The following MAGI1 variants were observed in gnomAD, a reference collection of about 807,000 sequenced individuals.
The protein encoded by MAGI1 is membrane-associated guanylate kinase, WW and PDZ domain-containing protein 1.
In MAGI1, 58 loss-of-function variants were observed where a neutral mutation model predicts 139.9. The ratio of observed to expected loss-of-function variants is 0.41; its 90% CI spans 0.34 to 0.52. The LOEUF is 0.52. Among genes scored for constraint, MAGI1 ranks in the 20% least tolerant of loss-of-function variants. The pLI is 0.12. For synonymous variants in MAGI1, 812 were observed against 737.9 expected, an observed-to-expected ratio of 1.10 and a Z score of -1.63; for missense variants, 1,874 against 1,901.6, an observed-to-expected ratio of 0.99 and a Z score of 0.27.
At chr3:65,913,539 G>A (rs924799238) in intron 1 of MAGI1, among the ~76,000 whole-genome samples, 2 of 152,138 alleles carry the variant, frequency 1.3e-5, no homozygotes, top group Non-Finnish European at 2.9e-5. Flanking sequence ...TGTTCAGAAA[G>A]GAGAGATTCC....
intron 1 of MAGI1, among the ~76,000 whole-genome samples, chr3:65,809,578 T>C (rs2041088111): frequency 6.6e-6 from 1 of 152,130 alleles, no homozygotes; most frequent in Admixed American, 6.6e-5. Context: ...GCAGAAATCC[T>C]GAACAATCAA....
chr3:65,526,439 C>A (rs565020780), intron 2 of MAGI1, among the ~76,000 whole-genome samples: 2 of 152,194 alleles, frequency 1.3e-5, no homozygotes, highest in Non-Finnish European at 2.9e-5. Flanking sequence ...GTATGTTATG[C>A]AGCAATTATG....
At chr3:66,028,414 C>G (rs928284151) in intron 1 of MAGI1, among the ~76,000 whole-genome samples, 1 of 152,190 alleles carries the variant, frequency 6.6e-6, no homozygotes, top group Admixed American at 6.5e-5. Flanking sequence ...ACTGGGAGAA[C>G]TGATGTTCTG....
chr3:65,477,857 T>C (rs1437095466), intron 4 of MAGI1, among the ~76,000 whole-genome samples: 5 of 151,708 alleles, frequency 3.3e-5, no homozygotes, highest in Non-Finnish European at 7.4e-5. Flanking sequence ...CCTGGAGTTG[T>C]GCAGTACTCA....
intron 1 of MAGI1, among the ~76,000 whole-genome samples, chr3:65,713,025 G>A (rs143285946): frequency 4.6e-4 from 70 of 152,260 alleles, no homozygotes; most frequent in African/African-American, 1.5e-3. Context: ...GAATCTTACT[G>A]TTCAGTTTTG....
At chr3:65,871,192 C>A (rs192166641) in intron 1 of MAGI1, among the ~76,000 whole-genome samples, 1 of 152,180 alleles carries the variant, frequency 6.6e-6, no homozygotes, top group East Asian at 1.9e-4. Context: ...CCTCCTCCAC[C>A]TCCCAAAGTG....
intron 13 of MAGI1, among the ~76,000 whole-genome samples, chr3:65,397,222 T>C (rs1944461461): frequency 6.6e-6 from 1 of 152,160 alleles, no homozygotes. Context: ...ACTGTGTGAG[T>C]CTGAGAAAGA....
At chr3:65,600,195 T>G (rs1237052474) in intron 2 of MAGI1, among the ~76,000 whole-genome samples, 2 of 152,332 alleles carry the variant, frequency 1.3e-5, no homozygotes, top group East Asian at 3.9e-4. Context: ...ATTGCTCTTT[T>G]GCAAGGAATC....
intron 1 of MAGI1, among the ~76,000 whole-genome samples, chr3:65,940,456 C>T (rs953913746): frequency 6.6e-6 from 1 of 152,126 alleles, no homozygotes; most frequent in African/African-American, 2.4e-5. Context: ...ACTGTATCTT[C>T]ACGTGGCAGA....
chr3:65,610,580 G>A (rs576156366), intron 2 of MAGI1, among the ~76,000 whole-genome samples: 2 of 150,810 alleles, frequency 1.3e-5, no homozygotes, highest in East Asian at 2.0e-4. Context: ...AAGCCATTTC[G>A]AGATGGAAAT....
At chr3:65,694,535 A>G (rs768359841) in intron 1 of MAGI1, among the ~76,000 whole-genome samples, 2 of 152,128 alleles carry the variant, frequency 1.3e-5, no homozygotes. Context: ...AGTAAACTGA[A>G]CCTTGATAAG....
At chr3:65,956,200 G>GC (rs2064118504) in intron 1 of MAGI1, among the ~76,000 whole-genome samples, 1 of 152,112 alleles carries the variant, frequency 6.6e-6, no homozygotes, top group African/African-American at 2.4e-5. Context: ...GTAGCTAGCC[G>GC]CATCTTCCTG....
At chr3:65,593,063 T>C (rs1248123676) in intron 2 of MAGI1, among the ~76,000 whole-genome samples, 6 of 152,042 alleles carry the variant, frequency 3.9e-5, no homozygotes, top group African/African-American at 1.4e-4. Flanking sequence ...TCAGGTAAAA[T>C]TAAAAGTAGT....
intron 1 of MAGI1, among the ~76,000 whole-genome samples, chr3:65,727,307 C>T (rs2107714392): frequency 6.6e-6 from 1 of 152,308 alleles, no homozygotes; most frequent in Non-Finnish European, 1.5e-5. Context: ...CACTGCTTTA[C>T]ACATTTGTGT....
chr3:65,682,641 T>TAA lies in MAGI1; in HGVS notation c.314-60555_314-60554dup, dbSNP rs2087673854. On this transcript the variant is annotated intron_variant, in intron 1 of 22. Transcript: ENST00000402939. ...GTAAAATGTAAAACTATACAACTTT[T>TAA]AAGAAGAAACTTAAGAAAAAAATCT... is the stretch of plus-strand genomic sequence containing the variant. 2.0e-5 allele frequency among the ~76,000 whole-genome samples: 3 copies of TAA among 152,254 alleles called. No homozygotes were observed. In the South Asian group the frequency reaches 6.2e-4, roughly 32 times the overall value.
chr3:65,364,603 T>A, intron 20 of MAGI1, 62 bp downstream of exon 20: 1 of 1,419,536 alleles, frequency 7.0e-7, no homozygotes, highest in Non-Finnish European at 9.9e-7. Context: ...CCCATAAAAG[T>A]AGCTTGAGAA....
chr3:65,921,759 A>G (rs543056644), intron 1 of MAGI1, among the ~76,000 whole-genome samples: 3 of 152,254 alleles, frequency 2.0e-5, no homozygotes, highest in African/African-American at 7.2e-5. Flanking sequence ...ATGATTGACA[A>G]TTGTCTGTAG....
chr3:65,990,856 G>A (rs201660470), intron 1 of MAGI1, among the ~76,000 whole-genome samples: 1 of 152,242 alleles, frequency 6.6e-6, no homozygotes, highest in East Asian at 1.9e-4. Context: ...ATGTGGTGGT[G>A]CATGCCTGTC....
chr3:65,991,084 T>A (rs2066146156), intron 1 of MAGI1, among the ~76,000 whole-genome samples: 1 of 151,722 alleles, frequency 6.6e-6, no homozygotes. Context: ...AGGTCAGGAG[T>A]TGGAGACCAG....
Sources: gnomAD v4.1 joint callset for allele counts (sites outside exome capture counted in the v4.1 genomes callset) on GRCh38, gnomAD v4.1.1 for gene constraint, MANE v1.5 for transcripts, NCBI Gene and HGNC (gene_info 2026-07-23, HGNC 2026-07-21) for gene names.